Variants in PCMTD2 observed in about 807,000 individuals in gnomAD.
PCMTD2 encodes protein-L-isoaspartate O-methyltransferase domain-containing protein 2.
A neutral mutation model predicts 33.4 loss-of-function variants in PCMTD2; 16 were observed. The ratio of observed to expected loss-of-function variants is 0.48; its 90% CI spans 0.32 to 0.73. The LOEUF is 0.73. Ranked by LOEUF, PCMTD2 falls within the 30% of genes least tolerant of loss-of-function variation. PCMTD2 has a pLI of 0.03. For missense variants in PCMTD2, 374 were observed against 449.9 expected, an observed-to-expected ratio of 0.83 and a Z score of 1.53; for synonymous variants, 161 against 160.8, an observed-to-expected ratio of 1.00 and a Z score of -0.01.
rs954392912 is a variant in PCMTD2 at position 64,274,297 on chromosome 20, G to C, written c.*697G>C. The C allele has an allele frequency of 2.2e-5, 3 of 138,870 alleles. No homozygotes were observed. The highest frequency in any genetic ancestry group is 5.9e-5 in the African/African-American group (2 of 34,158). The allele number at this position is 138,870 out of a possible 1,614,324, so 8.6% of individuals were successfully genotyped here. On this transcript the variant is annotated 3_prime_UTR_variant, in exon 6 of 6. Transcript: ENST00000308824. ...TGGAATTCCGAGAGAATTCCAAAGAGGGTTTTTTTTTTTTTTTTTAGGACA... is the reference window on the plus strand; with the variant it reads ...TGGAATTCCGAGAGAATTCCAAAGACGGTTTTTTTTTTTTTTTTTAGGACA...
intron 5 of PCMTD2, 32 bp from the exon 6 acceptor site, chr20:64,273,189 A>C: frequency 6.3e-7 from 1 of 1,589,032 alleles, no homozygotes; most frequent in Non-Finnish European, 8.6e-7. Flanking sequence ...ACTCCGATGC[A>C]TTTGACTGTG....
In PCMTD2 at chr20:64,267,918, C is replaced by A; in HGVS notation, c.614C>A (p.Ala205Asp). ...LTKITRTGPSAWETKKILAVS... is the reference protein window; with the variant it reads ...LTKITRTGPSDWETKKILAVS... ...AAGATAACACGCACAGGTCCTTCAG[C>A]TTGGGAAACCAAAAAGATTCTTGCT... The change falls in exon 5 of 6, where the codon GCT becomes GAT. Residue 205 changes from alanine to aspartate, a missense_variant. Ala to Asp is a moderately radical substitution (Grantham distance 126). Coordinates refer to ENST00000308824, the MANE Select transcript of PCMTD2 (RefSeq NM_018257.3). 6.2e-7 allele frequency: 1 copy of A among 1,613,506 alleles called. No individual in the cohort carries two copies. Among genetic ancestry groups the A allele is most frequent in the East Asian group, 2.2e-5 (1 of 44,872 alleles).
At position 64,260,092 on chromosome 20, in the gene PCMTD2, C is replaced by T. The variant is rs1324719961; in HGVS notation, c.127C>T (p.Leu43Phe). 6.2e-7 allele frequency: 1 copy of T among 1,613,250 alleles called. No homozygotes were observed. The highest frequency in any genetic ancestry group is 2.2e-5 in the East Asian group (1 of 44,884). Residue 43 changes from leucine (L) to phenylalanine (F), a missense_variant, in exon 2 of 6, where the codon CTT becomes TTT. Physicochemically the swap from Leu to Phe is conservative, Grantham distance 22. Coordinates refer to ENST00000308824, the MANE Select transcript of PCMTD2 (RefSeq NM_018257.3). The part of the protein sequence containing the change: ...FRAIDRADYY[L>F]EEFKENAYKD... Reference sequence around the variant, plus strand: ...AGCTATCGATCGTGCAGACTATTATCTTGAAGAATTTAAAGAAAATGCTTA... The same window carrying T: ...AGCTATCGATCGTGCAGACTATTATTTTGAAGAATTTAAAGAAAATGCTTA...
chr20:64,270,766 A>G (rs954635071), intron 5 of PCMTD2, among the ~76,000 whole-genome samples: 1 of 143,526 alleles, frequency 7.0e-6, no homozygotes, highest in Non-Finnish European at 1.5e-5. Context: ...GTTCGTTGTG[A>G]TACGTACAAT....
At chr20:64,272,239 C>T (rs1037395613) in intron 5 of PCMTD2, 1 of 457,090 alleles carries the variant, frequency 2.2e-6, no homozygotes, top group African/African-American at 2.0e-5. Flanking sequence ...TGGTAATAAA[C>T]GTTGTGCACA....
At chr20:64,268,423 A>G (rs1191400041) in intron 5 of PCMTD2, among the ~76,000 whole-genome samples, 7 of 152,344 alleles carry the variant, frequency 4.6e-5, no homozygotes, top group South Asian at 4.1e-4. Flanking sequence ...TCATGGGTAG[A>G]CAAGGTTAGA....
intron 2 of PCMTD2, among the ~76,000 whole-genome samples, chr20:64,263,412 C>T (rs964905399): frequency 3.9e-5 from 6 of 152,138 alleles, no homozygotes; most frequent in African/African-American, 1.2e-4. Context: ...AGGGCCCACA[C>T]GGTGCAAAGG....
chr20:64,264,624 A>G (rs975023032), intron 3 of PCMTD2, 93 bp downstream of exon 3: 5 of 700,830 alleles, frequency 7.1e-6, no homozygotes, highest in African/African-American at 1.8e-5. Context: ...GGTAGGAAAC[A>G]TAATTAAACT....
At chr20:64,264,590 TG>T in intron 3 of PCMTD2, 59 bp downstream of exon 3, 2 of 859,528 alleles carry the variant, frequency 2.3e-6, no homozygotes, top group Non-Finnish European at 2.0e-6. Context: ...TACAAAGTTT[TG>T]ATCAGATAGA....
chr20:64,257,642 A>G (rs1985223731), intron 1 of PCMTD2, among the ~76,000 whole-genome samples: 1 of 152,154 alleles, frequency 6.6e-6, no homozygotes, highest in Non-Finnish European at 1.5e-5. Flanking sequence ...ATGGTAATAA[A>G]TATCAGACCC....
At chr20:64,270,576 T>C (rs1337820031) in intron 5 of PCMTD2, among the ~76,000 whole-genome samples, 5 of 152,054 alleles carry the variant, frequency 3.3e-5, no homozygotes, top group South Asian at 2.1e-4. Flanking sequence ...AGTGAAGATA[T>C]GTGTGGTGTG....
intron 2 of PCMTD2, among the ~76,000 whole-genome samples, chr20:64,263,516 C>T (rs1442850944): frequency 6.6e-6 from 1 of 152,148 alleles, no homozygotes; most frequent in Non-Finnish European, 1.5e-5. Context: ...TATCTGTCTA[C>T]CAAGTAAAGT....
intron 1 of PCMTD2, among the ~76,000 whole-genome samples, chr20:64,258,175 A>G (rs1039312742): frequency 6.6e-6 from 1 of 152,162 alleles, no homozygotes; most frequent in African/African-American, 2.4e-5. Context: ...TCTTTTCCTA[A>G]ATAGACCCTT....
In PCMTD2 at chr20:64,273,322, G is replaced by A. The variant is rs556850301; in HGVS notation, c.808G>A (p.Gly270Arg). Residue 270 changes from glycine to arginine, a missense_variant, in exon 6 of 6, where the codon GGA (glycine) becomes AGA (arginine). By Grantham distance (125) the Gly-to-Arg change is moderately radical (BLOSUM62 -2). Transcript: ENST00000308824. ...HQETVSKNGN[G>R]LKNTPRFKRR... ...GGAAACTGTGAGCAAAAACGGAAAC[G>A]GACTAAAGAACACCCCCAGGTTTAA... The A allele has an allele frequency of 2.2e-5, 36 of 1,614,066 alleles. No homozygotes were observed. The South Asian group carries it at 2.3e-4, about 10-fold the overall frequency.
chr20:64,267,103 T>C (rs952104980), intron 4 of PCMTD2, among the ~76,000 whole-genome samples: 1 of 152,256 alleles, frequency 6.6e-6, no homozygotes, highest in East Asian at 1.9e-4. Flanking sequence ...AATCATAGCA[T>C]GAAAGAACTG....
In PCMTD2 at chr20:64,273,299, A is replaced by G. The variant is rs1985983924; in HGVS notation, c.785A>G (p.Glu262Gly). 1 of 1,614,020 alleles carries G rather than the reference A, an allele frequency of 6.2e-7. No homozygotes were observed. ...ACCATTAAAAAGATTATTCATCAGG[A>G]AACTGTGAGCAAAAACGGAAACGGA... ...RGTIKKIIHQ[E>G]TVSKNGNGLK... Residue 262 changes from glutamate to glycine, a missense_variant, in exon 6 of 6, where the codon GAA (glutamate) becomes GGA (glycine). Glu to Gly is a moderately conservative substitution (Grantham distance 98). Transcript: ENST00000308824.
chr20:64,258,677 G>A (rs138045482), intron 1 of PCMTD2: 4 of 152,256 alleles, frequency 2.6e-5, no homozygotes, highest in African/African-American at 9.6e-5. Context: ...TCATTCTACT[G>A]TTAGAAATCC....
Position 64,273,425 on chromosome 20 carries a change from A to G in PCMTD2, c.911A>G (p.Asn304Ser), listed in dbSNP as rs557789541. The G allele has an allele frequency of 1.5e-5, 25 of 1,614,140 alleles. No individual in the cohort carries two copies. The highest frequency in any genetic ancestry group is 1.0e-4 in the Admixed American group (6 of 60,026). Reference sequence around the variant, plus strand: ...GAAGTCTTTGCCAGTCGGATTTCCAACCCCTCAGATGACAACAGCTGTGAA... The same window carrying G: ...GAAGTCTTTGCCAGTCGGATTTCCAGCCCCTCAGATGACAACAGCTGTGAA... ...DKEVFASRIS[N>S]PSDDNSCEDL... The change falls in exon 6 of 6, where the codon AAC (asparagine) becomes AGC (serine). Residue 304 changes from asparagine to serine, a missense_variant. Asn to Ser is a conservative substitution (Grantham distance 46, BLOSUM62 1). Transcript: ENST00000308824.
chr20:64,260,360 G>A, intron 2 of PCMTD2, 88 bp downstream of exon 2: 1 of 915,318 alleles, frequency 1.1e-6, no homozygotes. Flanking sequence ...CTAATGGCCT[G>A]CCTGGGTCGA....
Sources: gnomAD v4.1 joint callset for allele counts (sites outside exome capture counted in the v4.1 genomes callset) on GRCh38, gnomAD v4.1.1 for gene constraint, MANE v1.5 for transcripts, NCBI Gene and HGNC (gene_info 2026-07-23, HGNC 2026-07-21) for gene names.